DLGAP2: variants seen among roughly 807,000 people sequenced by gnomAD.
DLGAP2 encodes DLG associated protein 2.
In DLGAP2, 26 loss-of-function variants were observed where a neutral mutation model predicts 100.3. The observed-to-expected ratio is 0.26, with a 90% CI of 0.19 to 0.36. The LOEUF is 0.36. DLGAP2 is among the 10% of genes least tolerant of loss of function. The probability of loss-of-function intolerance (pLI) is 1.00; values close to 1 mark genes in which losing one functional copy is unlikely to be tolerated. For missense variants in DLGAP2, 1,858 were observed against 1,453.2 expected (o/e 1.28, Z -4.53); for synonymous variants, 886 against 630.1 (o/e 1.41, Z -6.08).
At chr8:1,482,137 C>T (rs982588101) in intron 3 of DLGAP2, among the ~76,000 whole-genome samples, 9 of 152,228 alleles carry the variant, frequency 5.9e-5, no homozygotes, top group South Asian at 4.1e-4. Flanking sequence ...GCTCACATGA[C>T]GGTCTGGGAG....
intron 1 of DLGAP2, among the ~76,000 whole-genome samples, chr8:870,008 CAA>C (rs576493428): frequency 5.0e-5 from 6 of 120,992 alleles, no homozygotes; most frequent in Admixed American, 1.7e-4. Flanking sequence ...GCCTAATTTA[CAA>C]AAAAAAAAAA....
intron 1 of DLGAP2, among the ~76,000 whole-genome samples, chr8:873,870 A>G (rs1797643342): frequency 6.6e-6 from 1 of 152,170 alleles, no homozygotes; most frequent in South Asian, 2.1e-4. Flanking sequence ...TTGGGAGGAC[A>G]GTTTTTTGAT....
intron 3 of DLGAP2, among the ~76,000 whole-genome samples, chr8:1,389,129 G>A (rs1796286994): frequency 6.6e-6 from 1 of 152,168 alleles, no homozygotes. Flanking sequence ...AGGTGGGGAG[G>A]GCTCTGGTCC....
chr8:1,068,241 A>G lies in DLGAP2; in HGVS notation c.73+160275A>G, dbSNP rs553458757. The stretch of plus-strand genomic sequence containing the variant: ...CAGTTGCTTCTGAGTTTAGGGAATG[A>G]TGAATGAAGCTGCCATAAACATCTG... On this transcript the variant is annotated intron_variant, in intron 2 of 14. Transcript: ENST00000637795. Among the ~76,000 whole-genome samples, 5 of 152,280 alleles carry G rather than the reference A, an allele frequency of 3.3e-5. No individual in the cohort carries two copies. The South Asian group carries it at 8.3e-4, about 25-fold the overall frequency.
chr8:972,608 A>T (rs114279738), intron 2 of DLGAP2, among the ~76,000 whole-genome samples: 2 of 149,212 alleles, frequency 1.3e-5, no homozygotes, highest in Non-Finnish European at 1.5e-5. Context: ...TTTTTTTTGT[A>T]TTTTTTTCTT....
intron 2 of DLGAP2, among the ~76,000 whole-genome samples, chr8:1,100,108 T>C (rs1804525785): frequency 6.6e-6 from 1 of 152,266 alleles, no homozygotes; most frequent in African/African-American, 2.4e-5. Context: ...CATCCCTTTG[T>C]CCAGCATGTA....
rs557780892 is a variant in DLGAP2 at position 1,524,493 on chromosome 8, T to C, written c.172+23062T>C. Among the ~76,000 whole-genome samples the C allele has an allele frequency of 1.4e-4, 21 of 152,230 alleles. 1 individual carries two copies. Among genetic ancestry groups the C allele is most frequent in the Admixed American group, 1.2e-3 (19 of 15,296 alleles). On this transcript the variant is annotated intron_variant, in intron 4 of 14. Coordinates refer to ENST00000637795, the MANE Select transcript of DLGAP2 (RefSeq NM_001346810.2). ...TAAACAACGGACGTTGATTCTCCCA[T>C]GTCCTGGAGGCTGCAGTTCAAGACC...
intron 1 of DLGAP2, among the ~76,000 whole-genome samples, chr8:781,169 A>T (rs1475939898): frequency 6.6e-6 from 1 of 152,132 alleles, no homozygotes; most frequent in Non-Finnish European, 1.5e-5. Flanking sequence ...TTTGTATTAA[A>T]ACTTCATACT....
chr8:1,275,770 ATT>A (rs1799670897), intron 3 of DLGAP2, among the ~76,000 whole-genome samples: 16 of 131,352 alleles, frequency 1.2e-4, no homozygotes, highest in Non-Finnish European at 7.8e-5. Flanking sequence ...AAAAATATAT[ATT>A]ATATATAAAA....
intron 1 of DLGAP2, among the ~76,000 whole-genome samples, chr8:775,274 A>G (rs1343005462): frequency 6.6e-6 from 1 of 152,178 alleles, no homozygotes; most frequent in Non-Finnish European, 1.5e-5. Flanking sequence ...TTTTCTAGAT[A>G]TACAATGATG....
intron 13 of DLGAP2, among the ~76,000 whole-genome samples, chr8:1,693,967 G>C (rs35207956): frequency 0.17 from 25,950 of 152,102 alleles, 2,512 homozygotes; most frequent in Admixed American, 0.24. Context: ...TGCAGACTCG[G>C]GTGAGCCTAG....
At chr8:1,450,773 A>C (rs1798137662) in intron 3 of DLGAP2, among the ~76,000 whole-genome samples, 1 of 152,170 alleles carries the variant, frequency 6.6e-6, no homozygotes, top group Middle Eastern at 3.4e-3. Flanking sequence ...TCTGCGCTCA[A>C]CGTTCCCAAG....
chr8:761,099 C>T (rs767174701), intron 1 of DLGAP2, among the ~76,000 whole-genome samples: 6 of 152,286 alleles, frequency 3.9e-5, no homozygotes, highest in South Asian at 2.1e-4. Flanking sequence ...CTCTGCACGT[C>T]GCTTGTGTCC....
intron 2 of DLGAP2, among the ~76,000 whole-genome samples, chr8:1,172,632 T>C (rs552224023): frequency 0.019 from 2,822 of 152,254 alleles, 84 homozygotes; most frequent in African/African-American, 0.064. Flanking sequence ...ATTTCATTCA[T>C]TTCATCTTCC....
At chr8:1,036,256 G>A (rs1802119568) in intron 2 of DLGAP2, among the ~76,000 whole-genome samples, 1 of 152,172 alleles carries the variant, frequency 6.6e-6, no homozygotes, top group Non-Finnish European at 1.5e-5. Flanking sequence ...CGCTCATCCC[G>A]ACCCCACATG....
At chr8:1,382,448 A>G (rs1796118774) in intron 3 of DLGAP2, among the ~76,000 whole-genome samples, 1 of 152,182 alleles carries the variant, frequency 6.6e-6, no homozygotes, top group Admixed American at 6.5e-5. Flanking sequence ...AGAAATATGT[A>G]TCATCGGTCA....
intron 2 of DLGAP2, among the ~76,000 whole-genome samples, chr8:1,185,363 C>G (rs1018839469): frequency 6.6e-6 from 1 of 152,196 alleles, no homozygotes; most frequent in Admixed American, 6.5e-5. Context: ...CAGGTGTTGT[C>G]TCCAGGGCAC....
intron 1 of DLGAP2, among the ~76,000 whole-genome samples, chr8:848,305 G>A (rs541414724): frequency 6.6e-6 from 1 of 151,582 alleles, no homozygotes. Context: ...AACGTGCGGT[G>A]CCTGTTCCAG....
chr8:1,306,221 T>C (rs1262859664), intron 3 of DLGAP2, among the ~76,000 whole-genome samples: 1 of 150,958 alleles, frequency 6.6e-6, no homozygotes, highest in Non-Finnish European at 1.5e-5. Flanking sequence ...TACACAAGGG[T>C]ATAAAAAAGG....
Sources: gnomAD v4.1 joint callset for allele counts (sites outside exome capture counted in the v4.1 genomes callset) on GRCh38, gnomAD v4.1.1 for gene constraint, MANE v1.5 for transcripts, NCBI Gene and HGNC (gene_info 2026-07-23, HGNC 2026-07-21) for gene names.